Variants in ADGRD1 observed in about 807,000 individuals in gnomAD.
ADGRD1 encodes the protein adhesion G protein-coupled receptor D1.
A neutral mutation model predicts 113.4 loss-of-function variants in ADGRD1; 77 were observed. The ratio of observed to expected loss-of-function variants is 0.68; its 90% CI spans 0.57 to 0.82. The LOEUF is 0.82. ADGRD1 is among the 40% of genes least tolerant of loss of function. The probability of loss-of-function intolerance (pLI) is 0.00; values close to 1 mark genes in which losing one functional copy is unlikely to be tolerated. For synonymous variants in ADGRD1, 474 were observed against 475.0 expected (o/e 1.00, Z 0.03); for missense variants, 1,036 against 1,139.1 (o/e 0.91, Z 1.30).
intron 12 of ADGRD1, among the ~76,000 whole-genome samples, chr12:131,007,783 G>A (rs1039227978): frequency 1.3e-5 from 2 of 152,244 alleles, no homozygotes; most frequent in African/African-American, 4.8e-5. Flanking sequence ...GCTGTGCAGC[G>A]ATGGAACATG....
intron 8 of ADGRD1, among the ~76,000 whole-genome samples, chr12:130,997,003 C>G (rs368731179): frequency 1.8e-5 from 2 of 113,774 alleles, no homozygotes; most frequent in African/African-American, 3.6e-5. Flanking sequence ...GCTGGCCAGG[C>G]GGGGGGCTGA....
At chr12:131,049,788 G>A (rs1883195993) in intron 13 of ADGRD1, among the ~76,000 whole-genome samples, 1 of 152,208 alleles carries the variant, frequency 6.6e-6, no homozygotes, top group Admixed American at 6.5e-5. Flanking sequence ...CCTGGAGCGG[G>A]GGAGAGCATG....
intron 15 of ADGRD1, among the ~76,000 whole-genome samples, chr12:131,097,202 G>A (rs1299271850): frequency 6.6e-6 from 1 of 152,222 alleles, no homozygotes; most frequent in Admixed American, 6.5e-5. Flanking sequence ...GCCCCAGACT[G>A]ATGCACAAGC....
intron 13 of ADGRD1, among the ~76,000 whole-genome samples, chr12:131,051,390 A>T (rs570809147): frequency 2.8e-4 from 43 of 152,346 alleles, no homozygotes; most frequent in African/African-American, 9.1e-4. Context: ...ATTCCTGTTT[A>T]AACAAATTGG....
intron 13 of ADGRD1, among the ~76,000 whole-genome samples, chr12:131,065,104 G>A (rs1407332412): frequency 2.0e-5 from 3 of 151,960 alleles, no homozygotes; most frequent in Non-Finnish European, 4.4e-5. Flanking sequence ...TCTTTCCTTG[G>A]TCCTTGTAGA....
intron 20 of ADGRD1, among the ~76,000 whole-genome samples, chr12:131,129,733 A>G (rs1452983280): frequency 3.3e-5 from 5 of 152,254 alleles, no homozygotes; most frequent in African/African-American, 1.2e-4. Context: ...GGAATTCTAG[A>G]AACAAAGGCA....
chr12:131,004,308 T>TGCCCCGGAAGGGAGTCCA lies in ADGRD1; in HGVS notation c.1255+14_1255+15insCCCGGAAGGGAGTCCAGC. 6.4e-7 allele frequency: 1 copy of TGCCCCGGAAGGGAGTCCA among 1,559,714 alleles called. No individual in the cohort carries two copies. Among genetic ancestry groups the TGCCCCGGAAGGGAGTCCA allele is most frequent in the Non-Finnish European group, 8.8e-7 (1 of 1,131,296 alleles). On this transcript the variant is annotated intron_variant, in intron 11 of 24. Coordinates refer to ENST00000261654, the MANE Select transcript of ADGRD1 (RefSeq NM_198827.5). ...CTTCCACAGGCACGGTGAGTGTGGC[T>TGCCCCGGAAGGGAGTCCA]GCGCTGGACTCCCTTCCGGGGCGGC...
At chr12:131,068,280 G>GT (rs1236572334) in intron 13 of ADGRD1, among the ~76,000 whole-genome samples, 1 of 152,216 alleles carries the variant, frequency 6.6e-6, no homozygotes, top group Non-Finnish European at 1.5e-5. Flanking sequence ...ATGCACGCTT[G>GT]TGTCTCATGG....
At position 131,113,317 on chromosome 12, in the gene ADGRD1, T is replaced by C. The variant is rs1392487273; in HGVS notation, c.2041+4440T>C. Among the ~76,000 whole-genome samples the C allele has an allele frequency of 6.6e-6, 1 of 152,156 alleles. No homozygotes were observed. Among genetic ancestry groups the C allele is most frequent in the African/African-American group, 2.4e-5 (1 of 41,432 alleles). ...TCTGGGGAGGGGTCTGCTGAGCGAC[T>C]TGTGCTGTCATTCTAGAAGTCAGCT... is the stretch of plus-strand genomic sequence containing the variant. On this transcript the variant is annotated intron_variant, in intron 18 of 24. Transcript: ENST00000261654. The surrounding 1 kb of genome is among the most constrained non-coding windows in gnomAD (Gnocchi z 4.9).
chr12:130,971,654 G>T lies in ADGRD1; in HGVS notation c.310+74G>T. On this transcript the variant is annotated intron_variant, in intron 4 of 24. Coordinates refer to ENST00000261654, the MANE Select transcript of ADGRD1 (RefSeq NM_198827.5). This position sits in a 1 kb window ranked among gnomAD's most constrained non-coding sequence, Gnocchi z 4.2. ...GGAGCACCTGCTCCTCTGGTGACTGGAAGATGTGAACCTGAGGTTCTCATC... is the reference window on the plus strand; with the variant it reads ...GGAGCACCTGCTCCTCTGGTGACTGTAAGATGTGAACCTGAGGTTCTCATC... The T allele has an allele frequency of 1.4e-6, 2 of 1,480,120 alleles. No homozygotes were observed. Among genetic ancestry groups the T allele is most frequent in the Non-Finnish European group, 1.8e-6 (2 of 1,093,010 alleles). The allele number at this position is 1,480,120 out of a possible 1,614,324, so 91.7% of individuals were successfully genotyped here.
chr12:131,036,234 A>T (rs78398679), intron 13 of ADGRD1, among the ~76,000 whole-genome samples: 2,701 of 151,470 alleles, frequency 0.018, 80 homozygotes, highest in African/African-American at 0.062. Context: ...GTCTTACTGC[A>T]TCAGGCCTTA....
At position 131,084,022 on chromosome 12, in the gene ADGRD1, A is replaced by G. The variant is rs1000364009; in HGVS notation, c.1548-518A>G. On this transcript the variant is annotated intron_variant, in intron 14 of 24. Transcript: ENST00000261654. This position sits in a 1 kb window ranked among gnomAD's most constrained non-coding sequence, Gnocchi z 4.5. ...TGTGTTTTGGTATTTTATCCTTATC[A>G]GTGCACATTGGTCAAGGATGTTCTT... Among the ~76,000 whole-genome samples the G allele has an allele frequency of 2.0e-5, 3 of 152,302 alleles. No homozygotes were observed. Among genetic ancestry groups the G allele is most frequent in the East Asian group, 1.9e-4 (1 of 5,178 alleles).
intron 13 of ADGRD1, among the ~76,000 whole-genome samples, chr12:131,029,579 C>A (rs1288281104): frequency 6.7e-6 from 1 of 149,384 alleles, no homozygotes; most frequent in East Asian, 2.0e-4. Context: ...AGGTTGTGGA[C>A]CCCTCATGTG....
intron 12 of ADGRD1, among the ~76,000 whole-genome samples, chr12:131,007,769 A>G (rs1253957716): frequency 1.3e-5 from 2 of 152,260 alleles, no homozygotes; most frequent in Non-Finnish European, 2.9e-5. Flanking sequence ...CCAAAGCAGA[A>G]CTGGCTGTGC....
intron 13 of ADGRD1, among the ~76,000 whole-genome samples, chr12:131,025,131 C>A (rs943117188): frequency 8.5e-5 from 13 of 152,088 alleles, no homozygotes; most frequent in Non-Finnish European, 1.9e-4. Context: ...AAATGCAGTC[C>A]CCGTTTTAAT....
Position 131,086,676 on chromosome 12 carries a change from C to T in ADGRD1, c.1671+2013C>T, listed in dbSNP as rs111428567. On this transcript the variant is annotated intron_variant, in intron 15 of 24. Transcript: ENST00000261654. ...CTGCAGCCCCTCACAGGGCGAAAGA[C>T]GCACGTGGCACCTGCAGCCAGTGTG... Among the ~76,000 whole-genome samples, 1,273 of 152,322 alleles carry T rather than the reference C, an allele frequency of 8.4e-3. 11 individuals are homozygous for T. The highest frequency in any genetic ancestry group is 0.026 in the South Asian group (127 of 4,824).
chr12:131,085,227 GGCGTCTTCACGGA>G (rs1208834402), intron 15 of ADGRD1, among the ~76,000 whole-genome samples: 2 of 152,204 alleles, frequency 1.3e-5, no homozygotes, highest in African/African-American at 4.8e-5. Context: ...CGGGGAGCGG[GGCGTCTTCACGGA>G]GCGGTGAGGA....
At chr12:131,100,467 G>C (rs554758441) in intron 15 of ADGRD1, among the ~76,000 whole-genome samples, 1 of 152,162 alleles carries the variant, frequency 6.6e-6, no homozygotes, top group African/African-American at 2.4e-5. Flanking sequence ...GTTAAGGTTG[G>C]TTGATGGTGG....
chr12:130,990,221 G>A (rs1442330434), intron 6 of ADGRD1: 1 of 152,180 alleles, frequency 6.6e-6, no homozygotes, highest in Non-Finnish European at 1.5e-5. Context: ...CACCTTCTGC[G>A]TTCACCAGCA....
Sources: gnomAD v4.1 joint callset for allele counts (sites outside exome capture counted in the v4.1 genomes callset) on GRCh38, gnomAD v4.1.1 for gene constraint, Gnocchi (gnomAD v3.1) non-coding constraint, MANE v1.5 for transcripts, NCBI Gene and HGNC (gene_info 2026-07-23, HGNC 2026-07-21) for gene names.